PCDHA7: variants seen among roughly 807,000 people sequenced by gnomAD.
The protein encoded by PCDHA7 is protocadherin alpha 7, also known as protocadherin alpha-7.
Under a neutral mutation model 57.2 loss-of-function variants are expected in PCDHA7, and 37 were observed. The observed-to-expected ratio is 0.65, with a 90% CI of 0.50 to 0.85. PCDHA7 has a LOEUF of 0.85. PCDHA7 is among the 40% of genes least tolerant of loss of function. PCDHA7 has a pLI of 0.00. For synonymous variants in PCDHA7, 553 were observed against 558.8 expected (o/e 0.99, Z 0.15); for missense variants, 1,188 against 1,241.8 (o/e 0.96, Z 0.65).
intron 3 of PCDHA7, among the ~76,000 whole-genome samples, chr5:141,005,701 C>CAA (rs59860837): frequency 0.061 from 476 of 7,774 alleles, 114 homozygotes; most frequent in African/African-American, 0.16. Flanking sequence ...AACTCCGTCT[C>CAA]AAAAAAAAAA....
At chr5:140,952,955 A>G (rs1244776708) in intron 1 of PCDHA7, among the ~76,000 whole-genome samples, 1 of 152,044 alleles carries the variant, frequency 6.6e-6, no homozygotes, top group Non-Finnish European at 1.5e-5. Context: ...AGAAGGGGGA[A>G]GTGATACACA....
chr5:140,961,025 C>G (rs1283958205), intron 1 of PCDHA7, among the ~76,000 whole-genome samples: 1 of 152,150 alleles, frequency 6.6e-6, no homozygotes, highest in African/African-American at 2.4e-5. Context: ...CACTTGCTAC[C>G]TCCTTGTTTT....
chr5:140,994,515 C>A (rs1450335712), intron 3 of PCDHA7, among the ~76,000 whole-genome samples: 1 of 150,238 alleles, frequency 6.7e-6, no homozygotes, highest in African/African-American at 2.5e-5. Context: ...ACAGCCTGGG[C>A]AACATGGCAA....
At chr5:140,967,425 C>T in intron 1 of PCDHA7, 1 of 1,613,294 alleles carries the variant, frequency 6.2e-7, no homozygotes, top group Non-Finnish European at 8.5e-7. Flanking sequence ...CGGGAGCAGG[C>T]AGCCTTGCAC....
chr5:140,928,563 T>C lies in PCDHA7; in HGVS notation c.2356-50386T>C, dbSNP rs138980511. 9.3e-4 allele frequency: 1,498 copies of C among 1,614,116 alleles called. 1 individual carries two copies. Among genetic ancestry groups the C allele is most frequent in the Non-Finnish European group, 1.2e-3 (1,397 of 1,180,050 alleles). On this transcript the variant is annotated intron_variant, in intron 1 of 3. Coordinates refer to ENST00000525929, the MANE Select transcript of PCDHA7 (RefSeq NM_018910.3). ...ATGACAATTATCCGGTTATCTTGTT[T>C]CCCTTGCCCAGAAATGGTTCTGTCC...
intron 1 of PCDHA7, among the ~76,000 whole-genome samples, chr5:140,931,556 A>T (rs2153608416): frequency 6.6e-6 from 1 of 152,166 alleles, no homozygotes; most frequent in East Asian, 1.9e-4. Context: ...ATGTGCAGGA[A>T]TATTGTACCA....
chr5:140,868,562 A>C (rs2153231296), intron 1 of PCDHA7: 1 of 152,960 alleles, frequency 6.5e-6, no homozygotes, highest in South Asian at 2.1e-4. Flanking sequence ...TTTTTATATG[A>C]GGAACAACAC....
intron 1 of PCDHA7, chr5:140,929,152 T>TA (rs1322546333): frequency 2.5e-6 from 4 of 1,614,072 alleles, no homozygotes; most frequent in Non-Finnish European, 3.4e-6. Flanking sequence ...TTCTCAGACT[T>TA]ATCTCTATCG....
intron 3 of PCDHA7, among the ~76,000 whole-genome samples, chr5:140,984,986 G>A (rs553872050): frequency 6.6e-6 from 1 of 152,080 alleles, no homozygotes; most frequent in African/African-American, 2.4e-5. Context: ...CCCCCAGGCT[G>A]GAGTCCAGTG....
chr5:140,838,075 ATAGTGTGTGTGTGTGTGTGTGT>A lies in PCDHA7; in HGVS notation c.2355+1338_2355+1359del, dbSNP rs1451714583. 4.8e-3 allele frequency among the ~76,000 whole-genome samples: 618 copies of A among 128,240 alleles called. 16 individuals carry two copies. Among genetic ancestry groups the A allele is most frequent in the African/African-American group, 0.016 (526 of 32,658 alleles). The allele number at this position is 128,240 out of a possible 152,430, so 84.1% of individuals were successfully genotyped here. A position where few individuals can be genotyped will look rare whatever the true frequency, so the allele number is the denominator to read the frequency against. On this transcript the variant is annotated intron_variant, in intron 1 of 3. Transcript: ENST00000525929. ...GTTTTCCACTTTAAGTTATATATAT[ATAGTGTGTGTGTGTGTGTGTGT>A]GTGTGTGTGTGTGTGTGTGTGTGTG...
chr5:140,838,214 A>C (rs1211623203), intron 1 of PCDHA7, among the ~76,000 whole-genome samples: 1 of 149,876 alleles, frequency 6.7e-6, no homozygotes, highest in Non-Finnish European at 1.5e-5. Context: ...CTCTGGTACA[A>C]GCAGTTCTCA....
At chr5:140,986,940 G>A (rs1371744170) in intron 3 of PCDHA7, among the ~76,000 whole-genome samples, 1 of 152,280 alleles carries the variant, frequency 6.6e-6, no homozygotes, top group South Asian at 2.1e-4. Flanking sequence ...GAGGCTGGGT[G>A]TGGTCGCTCA....
intron 1 of PCDHA7, among the ~76,000 whole-genome samples, chr5:140,956,484 A>G (rs868955895): frequency 1.3e-5 from 2 of 152,226 alleles, no homozygotes; most frequent in South Asian, 2.1e-4. Flanking sequence ...CCAGTCTTGC[A>G]TCCCAGGGAT....
chr5:140,869,939 A>T (rs377186222), intron 1 of PCDHA7: 5 of 1,612,014 alleles, frequency 3.1e-6, no homozygotes, highest in Non-Finnish European at 4.2e-6. Flanking sequence ...GAGGTAACAT[A>T]CTCCTTAATG....
chr5:140,983,076 T>A (rs1390525890), intron 3 of PCDHA7, among the ~76,000 whole-genome samples: 1 of 152,168 alleles, frequency 6.6e-6, no homozygotes, highest in Non-Finnish European at 1.5e-5. Context: ...TTGTTTTGAG[T>A]TCAAGTCAAA....
At chr5:140,909,868 G>A (rs782144709) in intron 1 of PCDHA7, among the ~76,000 whole-genome samples, 9 of 152,136 alleles carry the variant, frequency 5.9e-5, no homozygotes, top group Non-Finnish European at 8.8e-5. Flanking sequence ...TGGAGTCAAC[G>A]TCAGCTTAGA....
At chr5:141,004,935 A>AATTTCTT (rs2098189293) in intron 3 of PCDHA7, among the ~76,000 whole-genome samples, 1 of 152,112 alleles carries the variant, frequency 6.6e-6, no homozygotes, top group African/African-American at 2.4e-5. Context: ...GAGAGAAGAA[A>AATTTCTT]ATTTCTTACC....
chr5:140,976,323 G>A (rs532976656), intron 1 of PCDHA7, among the ~76,000 whole-genome samples: 26 of 152,258 alleles, frequency 1.7e-4, no homozygotes, highest in African/African-American at 6.0e-4. Context: ...GGCCGAGGAG[G>A]GTGGATTGCC....
chr5:140,908,442 T>A (rs2073975632), intron 1 of PCDHA7, among the ~76,000 whole-genome samples: 1 of 152,160 alleles, frequency 6.6e-6, no homozygotes, highest in Non-Finnish European at 1.5e-5. Flanking sequence ...CACCCCACTT[T>A]ATGGCTAGAT....
Sources: allele counts gnomAD v4.1 joint callset (sites outside exome capture counted in the v4.1 genomes callset), GRCh38; gene constraint gnomAD v4.1.1; transcripts MANE v1.5; gene names NCBI Gene and HGNC (gene_info 2026-07-23, HGNC 2026-07-21).